Variants in TMTC2 observed in about 807,000 individuals in gnomAD.
TMTC2 encodes protein O-mannosyl-transferase TMTC2.
TMTC2 carries 43 observed loss-of-function variants against 82.4 expected under a neutral mutation model. The observed-to-expected ratio is 0.52, with a 90% CI of 0.41 to 0.67. The LOEUF is 0.67. Ranked by LOEUF, TMTC2 falls within the 30% of genes least tolerant of loss-of-function variation. The probability of loss-of-function intolerance (pLI) is 0.00; values close to 1 mark genes in which losing one functional copy is unlikely to be tolerated. For synonymous variants in TMTC2, 408 were observed against 381.9 expected (o/e 1.07, Z -0.80); for missense variants, 919 against 1,012.4 (o/e 0.91, Z 1.25).
At chr12:82,933,787 A>G (rs1304971044) in intron 4 of TMTC2, among the ~76,000 whole-genome samples, 1 of 152,198 alleles carries the variant, frequency 6.6e-6, no homozygotes, top group Non-Finnish European at 1.5e-5. Flanking sequence ...GAATATTGTT[A>G]TAGGTAAAGA....
intron 9 of TMTC2, among the ~76,000 whole-genome samples, chr12:83,031,442 C>G (rs1881426818): frequency 6.6e-6 from 1 of 151,882 alleles, no homozygotes; most frequent in African/African-American, 2.4e-5. Flanking sequence ...CATAACAACT[C>G]TGTCACACTC....
At chr12:82,808,334 A>G (rs1406571815) in intron 1 of TMTC2, among the ~76,000 whole-genome samples, 2 of 147,726 alleles carry the variant, frequency 1.4e-5, no homozygotes, top group African/African-American at 5.1e-5. Context: ...TGCTTAAAAA[A>G]TAGACAGTAT....
rs141732806 is a variant in TMTC2, at chr12:82,871,430, A to G, written c.654+13850A>G. On this transcript the variant is annotated intron_variant, in intron 2 of 11. Coordinates refer to ENST00000321196, the MANE Select transcript of TMTC2 (RefSeq NM_152588.3). Reference sequence around the variant, plus strand: ...CTCATTATCTACAGTAGCTTTGAATACAAATAATCTGTACTTGCAGGTGCA... The same window carrying G: ...CTCATTATCTACAGTAGCTTTGAATGCAAATAATCTGTACTTGCAGGTGCA... Among the ~76,000 whole-genome samples the G allele has an allele frequency of 1.4e-3, 211 of 152,028 alleles. 1 individual carries two copies. Among genetic ancestry groups the G allele is most frequent in the African/African-American group, 4.8e-3 (199 of 41,382 alleles).
intron 11 of TMTC2, among the ~76,000 whole-genome samples, chr12:83,107,912 G>A (rs1219801158): frequency 6.6e-6 from 1 of 152,028 alleles, no homozygotes; most frequent in African/African-American, 2.4e-5. Context: ...GAGGGGCCCG[G>A]TGGGAGGTGA....
In TMTC2 at chr12:83,018,049, G is replaced by GTA. The variant is rs760450921; in HGVS notation, c.2071-12734_2071-12733dup. On this transcript the variant is annotated intron_variant, in intron 8 of 11. Coordinates refer to ENST00000321196, the MANE Select transcript of TMTC2 (RefSeq NM_152588.3). Reference sequence around the variant, plus strand: ...GTATATATATATTGTGTGTGTGTATGTATATATATATATATAAAATTAGAG... The same window carrying GTA: ...GTATATATATATTGTGTGTGTGTATGTATATATATATATATATAAAATTAGAG... Among the ~76,000 whole-genome samples, 141 of 147,552 alleles carry GTA rather than the reference G, an allele frequency of 9.6e-4. 1 individual carries two copies. The highest frequency in any genetic ancestry group is 2.5e-3 in the South Asian group (12 of 4,706).
chr12:82,730,386 C>T (rs1425112546), intron 1 of TMTC2, among the ~76,000 whole-genome samples: 1 of 148,062 alleles, frequency 6.8e-6, no homozygotes, highest in Non-Finnish European at 1.5e-5. Context: ...GGCTTTTCTT[C>T]TGCTATTGGA....
chr12:82,761,528 A>G (rs549048800), intron 1 of TMTC2, among the ~76,000 whole-genome samples: 1 of 152,248 alleles, frequency 6.6e-6, no homozygotes, highest in Admixed American at 6.5e-5. Context: ...GGGATTCTCT[A>G]TGGCCTTACC....
chr12:82,937,548 G>T (rs1243360428), intron 4 of TMTC2, among the ~76,000 whole-genome samples: 1 of 151,864 alleles, frequency 6.6e-6, no homozygotes, highest in Non-Finnish European at 1.5e-5. Context: ...GGGTGAGGGG[G>T]ACATAATTCA....
chr12:82,723,939 G>C (rs1033544529), intron 1 of TMTC2, among the ~76,000 whole-genome samples: 2 of 152,238 alleles, frequency 1.3e-5, no homozygotes, highest in African/African-American at 2.4e-5. Context: ...CTGAAATTCA[G>C]CCCCATTTTG....
At chr12:82,833,017 A>G (rs1352158091) in intron 1 of TMTC2, among the ~76,000 whole-genome samples, 1 of 152,204 alleles carries the variant, frequency 6.6e-6, no homozygotes, top group East Asian at 1.9e-4. Flanking sequence ...TCAGACTAGC[A>G]CAAAAATCAG....
chr12:82,858,846 T>G (rs1477985006), intron 2 of TMTC2, among the ~76,000 whole-genome samples: 3 of 152,204 alleles, frequency 2.0e-5, no homozygotes, highest in Non-Finnish European at 4.4e-5. Context: ...AAGCTCTTAA[T>G]TTCAAATCAA....
chr12:82,852,745 T>C (rs956878080), intron 1 of TMTC2, among the ~76,000 whole-genome samples: 3 of 152,220 alleles, frequency 2.0e-5, no homozygotes, highest in African/African-American at 7.2e-5. Flanking sequence ...ACTCCCTTTT[T>C]CTTATTTTGC....
intron 8 of TMTC2, among the ~76,000 whole-genome samples, chr12:83,025,029 T>C (rs1369251919): frequency 6.6e-6 from 1 of 151,956 alleles, no homozygotes. Flanking sequence ...CCGTGTCTAC[T>C]AAAAAATACA....
intron 11 of TMTC2, among the ~76,000 whole-genome samples, chr12:83,131,225 T>G (rs1242049946): frequency 6.6e-6 from 1 of 152,236 alleles, no homozygotes; most frequent in Non-Finnish European, 1.5e-5. Flanking sequence ...AAATATTATC[T>G]GCTTTCTGTT....
intron 1 of TMTC2, among the ~76,000 whole-genome samples, chr12:82,753,634 T>C (rs1876138524): frequency 6.6e-6 from 1 of 152,202 alleles, no homozygotes; most frequent in South Asian, 2.1e-4. Context: ...CTGACTTTTT[T>C]CAAAGAAGAT....
chr12:82,796,273 G>A (rs1878714055), intron 1 of TMTC2, among the ~76,000 whole-genome samples: 1 of 152,090 alleles, frequency 6.6e-6, no homozygotes, highest in African/African-American at 2.4e-5. Flanking sequence ...CATAGAGCTG[G>A]TTACTAAGGT....
chr12:83,011,933 A>G lies in TMTC2; in HGVS notation c.2071-18865A>G, dbSNP rs150846570. On this transcript the variant is annotated intron_variant, in intron 8 of 11. Coordinates refer to ENST00000321196, the MANE Select transcript of TMTC2 (RefSeq NM_152588.3). ...TTGGTTTTTAGTGCATAATTGTTCA[A>G]TAAATACTTGTTGAATGAATGCAGG... is the stretch of plus-strand genomic sequence containing the variant. 5.5e-4 allele frequency among the ~76,000 whole-genome samples: 84 copies of G among 152,320 alleles called. No homozygotes were observed. In the East Asian group the frequency reaches 0.011, roughly 19 times the overall value.
At chr12:83,042,863 A>T (rs10862575) in intron 9 of TMTC2, among the ~76,000 whole-genome samples, 70,587 of 151,958 alleles carry the variant, frequency 0.46, 17,215 homozygotes, top group East Asian at 0.78. Context: ...CAGGACAAAT[A>T]CTTGGTCTCG....
intron 1 of TMTC2, among the ~76,000 whole-genome samples, chr12:82,707,471 G>T (rs910090513): frequency 6.6e-6 from 1 of 152,204 alleles, no homozygotes; most frequent in African/African-American, 2.4e-5. Flanking sequence ...TTGCTTGTCT[G>T]AACCAAAGAG....
Sources: gnomAD v4.1 joint callset for allele counts (sites outside exome capture counted in the v4.1 genomes callset) on GRCh38, gnomAD v4.1.1 for gene constraint, MANE v1.5 for transcripts, NCBI Gene and HGNC (gene_info 2026-07-23, HGNC 2026-07-21) for gene names.